Variants in AGBL1 observed in about 807,000 individuals in gnomAD.
AGBL1 encodes the protein cytosolic carboxypeptidase 4.
Under a neutral mutation model 118.9 loss-of-function variants are expected in AGBL1, and 130 were observed. That is an observed-to-expected ratio of 1.09 (90% CI 0.95 to 1.26). AGBL1 has a LOEUF of 1.26. AGBL1 is among the 50% of genes most tolerant of loss of function. The pLI is 0.00. For missense variants in AGBL1, 1,584 were observed against 1,298.1 expected, an observed-to-expected ratio of 1.22 and a Z score of -3.38; for synonymous variants, 555 against 478.9, an observed-to-expected ratio of 1.16 and a Z score of -2.08.
chr15:87,018,566 G>A (rs759949525), intron 24 of AGBL1, among the ~76,000 whole-genome samples: 1 of 152,090 alleles, frequency 6.6e-6, no homozygotes, highest in Admixed American at 6.6e-5. Flanking sequence ...AATGCTGGAG[G>A]AATTCATTAC....
chr15:86,933,277 G>C (rs2080626741), intron 23 of AGBL1, among the ~76,000 whole-genome samples: 1 of 152,118 alleles, frequency 6.6e-6, no homozygotes, highest in Admixed American at 6.5e-5. Context: ...TTAGTTTTTA[G>C]TTTAACTTTG....
chr15:86,169,441 G>T (rs2077385212), intron 5 of AGBL1, among the ~76,000 whole-genome samples: 1 of 152,156 alleles, frequency 6.6e-6, no homozygotes, highest in Admixed American at 6.5e-5. Flanking sequence ...ATTGGATAAA[G>T]TACACAGGAT....
chr15:86,968,973 C>A (rs2081081417), intron 23 of AGBL1, among the ~76,000 whole-genome samples: 1 of 151,848 alleles, frequency 6.6e-6, no homozygotes, highest in African/African-American at 2.4e-5. Flanking sequence ...CACACAAAGG[C>A]CCCACCTTTT....
chr15:86,178,260 C>G (rs1261054752), intron 5 of AGBL1, among the ~76,000 whole-genome samples: 2 of 152,104 alleles, frequency 1.3e-5, no homozygotes, highest in Non-Finnish European at 2.9e-5. Flanking sequence ...TTGCAGTGAG[C>G]CAAGGTCACA....
At chr15:86,528,245 G>T (rs1406906275) in intron 19 of AGBL1, among the ~76,000 whole-genome samples, 1 of 152,194 alleles carries the variant, frequency 6.6e-6, no homozygotes, top group African/African-American at 2.4e-5. Context: ...AGGCCAGTGG[G>T]TGCACGCACC....
chr15:86,643,573 T>G (rs2085226734), intron 21 of AGBL1, among the ~76,000 whole-genome samples: 1 of 152,128 alleles, frequency 6.6e-6, no homozygotes, highest in South Asian at 2.1e-4. Context: ...TGTTTAATTT[T>G]GGGGTTTTGT....
chr15:86,137,104 A>G (rs919399936), intron 1 of AGBL1, among the ~76,000 whole-genome samples: 3 of 152,224 alleles, frequency 2.0e-5, no homozygotes, highest in Non-Finnish European at 2.9e-5. Context: ...TAAATAGTGT[A>G]AAATATTTAT....
intron 17 of AGBL1, among the ~76,000 whole-genome samples, chr15:86,303,795 A>T (rs1044581638): frequency 6.6e-6 from 1 of 152,146 alleles, no homozygotes; most frequent in African/African-American, 2.4e-5. Context: ...TGATATAATG[A>T]TTTGCATATT....
chr15:86,992,679 G>T (rs539729648), intron 24 of AGBL1, among the ~76,000 whole-genome samples: 1 of 150,966 alleles, frequency 6.6e-6, no homozygotes, highest in South Asian at 2.1e-4. Context: ...GGGTCTGAGT[G>T]TTTCTTGCCA....
chr15:86,315,120 C>G (rs1245875425), intron 17 of AGBL1, among the ~76,000 whole-genome samples: 1 of 152,158 alleles, frequency 6.6e-6, no homozygotes, highest in African/African-American at 2.4e-5. Context: ...TTGTTCATTG[C>G]AAGCTGAAAT....
chr15:86,230,155 G>C (rs1336729837), intron 6 of AGBL1, among the ~76,000 whole-genome samples: 2 of 152,192 alleles, frequency 1.3e-5, no homozygotes, highest in Non-Finnish European at 2.9e-5. Context: ...CCGTCAGCCT[G>C]TTGCTCCAGG....
intron 24 of AGBL1, among the ~76,000 whole-genome samples, chr15:86,990,059 A>G (rs979855616): frequency 1.3e-5 from 2 of 152,192 alleles, no homozygotes; most frequent in African/African-American, 4.8e-5. Context: ...TTTATTCTGA[A>G]GCAGATAAAA....
intron 24 of AGBL1, among the ~76,000 whole-genome samples, chr15:86,997,225 G>T (rs1395128009): frequency 2.0e-5 from 3 of 152,018 alleles, no homozygotes; most frequent in African/African-American, 4.8e-5. Flanking sequence ...GTGCATGCCG[G>T]TCTCTTATTT....
In AGBL1 at chr15:86,888,613, G is replaced by A. The variant is rs570503581; in HGVS notation, c.3159-18474G>A. 1.3e-3 allele frequency among the ~76,000 whole-genome samples: 192 copies of A among 152,174 alleles called. 1 individual carries two copies. The highest frequency in any genetic ancestry group is 4.4e-3 in the African/African-American group (181 of 41,522). On this transcript the variant is annotated intron_variant, in intron 22 of 22. Transcript: ENST00000614907. ...GAGTGGGGTGGTCCTAAAGCTCAGCGTGAGGGGATTTCTCAGAGATCTCAT... is the reference window on the plus strand; with the variant it reads ...GAGTGGGGTGGTCCTAAAGCTCAGCATGAGGGGATTTCTCAGAGATCTCAT...
chr15:86,956,711 T>C (rs2080935202), intron 23 of AGBL1, among the ~76,000 whole-genome samples: 1 of 152,148 alleles, frequency 6.6e-6, no homozygotes, highest in Admixed American at 6.6e-5. Flanking sequence ...GACCAAACAA[T>C]TGGTCACCAT....
chr15:86,205,339 T>C (rs144742220), intron 5 of AGBL1, among the ~76,000 whole-genome samples: 294 of 152,358 alleles, frequency 1.9e-3, no homozygotes, highest in Middle Eastern at 6.8e-3. Flanking sequence ...GCAAAGTTTA[T>C]TTATTCATTT....
At chr15:86,898,473 A>G (rs1343717289) in intron 22 of AGBL1, among the ~76,000 whole-genome samples, 1 of 152,148 alleles carries the variant, frequency 6.6e-6, no homozygotes, top group Non-Finnish European at 1.5e-5. Flanking sequence ...TCTTTTTCCC[A>G]TTGCTTGTTT....
chr15:86,400,375 C>T (rs866148398), intron 18 of AGBL1, among the ~76,000 whole-genome samples: 1 of 151,760 alleles, frequency 6.6e-6, no homozygotes, highest in Non-Finnish European at 1.5e-5. Context: ...GTATTTTTTT[C>T]GATGTTCTCA....
Position 86,625,364 on chromosome 15 carries a change from C to CCTTTTTTTTTTTT in AGBL1, c.2995-48909_2995-48908insCTTTTTTTTTTTT, listed in dbSNP as rs1429206623. On this transcript the variant is annotated intron_variant, in intron 21 of 22. Coordinates refer to ENST00000614907, the MANE Select transcript of AGBL1 (RefSeq NM_001386094.1). ...CAGCCTCCAAGGTAGAAGAAATTAG[C>CCTTTTTTTTTTTT]GTTTTTTTTTTTTTGTTTTTGTTTT... Among the ~76,000 whole-genome samples the CCTTTTTTTTTTTT allele has an allele frequency of 1.0e-3, 71 of 68,284 alleles. 17 individuals carry two copies. Among genetic ancestry groups the CCTTTTTTTTTTTT allele is most frequent in the Middle Eastern group, 0.014 (1 of 74 alleles). 44.8% of individuals were successfully genotyped at this position (68,284 alleles called of 152,430 possible).
Sources: gnomAD v4.1 joint callset for allele counts (sites outside exome capture counted in the v4.1 genomes callset) on GRCh38, gnomAD v4.1.1 for gene constraint, MANE v1.5 for transcripts, NCBI Gene and HGNC (gene_info 2026-07-23, HGNC 2026-07-21) for gene names.